The following EPHA6 variants were observed in gnomAD, a reference collection of about 807,000 sequenced individuals.
EPHA6 encodes the protein EPH receptor A6, also known as ephrin type-A receptor 6.
A neutral mutation model predicts 112.0 loss-of-function variants in EPHA6; 50 were observed. The observed-to-expected ratio is 0.45, with a 90% confidence interval of 0.36 to 0.56. The LOEUF is 0.56. Among genes scored for constraint, EPHA6 ranks in the 20% least tolerant of loss-of-function variants. EPHA6 has a pLI of 0.00. For missense variants in EPHA6, 1,280 were observed against 1,417.4 expected (o/e 0.90, Z 1.56); for synonymous variants, 529 against 490.7 (o/e 1.08, Z -1.03).
intron 2 of EPHA6, among the ~76,000 whole-genome samples, chr3:96,947,802 T>C (rs949190492): frequency 1.5e-4 from 23 of 152,048 alleles, no homozygotes; most frequent in African/African-American, 5.6e-4. Flanking sequence ...AGAATCAATA[T>C]CATGAAAATG....
Position 97,757,640 on chromosome 3 carries a change from A to T in EPHA6, c.*8939A>T, listed in dbSNP as rs1301631984. 6.6e-6 allele frequency among the ~76,000 whole-genome samples: 1 copy of T among 151,752 alleles called. No individual in the cohort carries two copies. On this transcript the variant is annotated 3_prime_UTR_variant, in exon 18 of 18. Coordinates refer to ENST00000389672, the MANE Select transcript of EPHA6 (RefSeq NM_001080448.3). ...TGCATAAAAAAGGAACTTACTTGAT[A>T]CCGTCTTTTAGCATCAATTTATCTT...
intron 11 of EPHA6, among the ~76,000 whole-genome samples, chr3:97,537,903 GA>G (rs1280551440): frequency 1.3e-5 from 2 of 151,928 alleles, no homozygotes; most frequent in African/African-American, 4.8e-5. Context: ...ATACAGTAAT[GA>G]AAAAAGACAG....
chr3:97,377,436 C>A (rs920708326), intron 5 of EPHA6, among the ~76,000 whole-genome samples: 4 of 151,952 alleles, frequency 2.6e-5, no homozygotes, highest in African/African-American at 7.3e-5. Context: ...ATGAAAACAC[C>A]AGACTAATAC....
At chr3:97,716,574 C>CAAAAAAAAAAAAAAAAA (rs1218426459) in intron 14 of EPHA6, among the ~76,000 whole-genome samples, 1 of 37,272 alleles carries the variant, frequency 2.7e-5, no homozygotes, top group African/African-American at 1.7e-4. Flanking sequence ...GACTCCGTCT[C>CAAAAAAAAAAAAAAAAA]AAAAAAAAAA....
intron 1 of EPHA6, among the ~76,000 whole-genome samples, chr3:96,864,121 G>A (rs751073453): frequency 2.0e-5 from 3 of 152,036 alleles, no homozygotes; most frequent in Non-Finnish European, 4.4e-5. Flanking sequence ...TTTCCCTATT[G>A]TGAATCTAAA....
chr3:97,522,620 A>G, intron 10 of EPHA6, among the ~76,000 whole-genome samples: 1 of 152,090 alleles, frequency 6.6e-6, no homozygotes, highest in Non-Finnish European at 1.5e-5. Context: ...AAAGATTGGT[A>G]TTTATTTCTT....
intron 3 of EPHA6, among the ~76,000 whole-genome samples, chr3:97,186,118 C>T (rs914666556): frequency 3.9e-5 from 6 of 151,938 alleles, no homozygotes; most frequent in Admixed American, 6.6e-5. Context: ...TGTTAAATGA[C>T]GCGTTACTGG....
intron 3 of EPHA6, among the ~76,000 whole-genome samples, chr3:96,992,013 G>T (rs999428428): frequency 2.6e-5 from 4 of 152,060 alleles, no homozygotes; most frequent in African/African-American, 9.7e-5. Flanking sequence ...TTGGTTCCCT[G>T]TGTCTTTTGG....
intron 6 of EPHA6, among the ~76,000 whole-genome samples, chr3:97,409,398 G>A (rs2087564049): frequency 6.6e-6 from 1 of 152,122 alleles, no homozygotes; most frequent in South Asian, 2.1e-4. Flanking sequence ...ATATGTTTGA[G>A]GAAAATGTTA....
chr3:96,909,563 A>T (rs2107598460), intron 2 of EPHA6, among the ~76,000 whole-genome samples: 1 of 152,094 alleles, frequency 6.6e-6, no homozygotes, highest in African/African-American at 2.4e-5. Flanking sequence ...TCACTTACTG[A>T]ATTTATTTAT....
At chr3:97,183,869 G>GC (rs1286933776) in intron 3 of EPHA6, among the ~76,000 whole-genome samples, 19 of 152,184 alleles carry the variant, frequency 1.2e-4, no homozygotes, top group Admixed American at 1.1e-3. Context: ...AAGCTGATAT[G>GC]CCTTTTACAG....
chr3:97,564,016 C>G (rs1463370129), intron 11 of EPHA6, among the ~76,000 whole-genome samples: 1 of 151,988 alleles, frequency 6.6e-6, no homozygotes, highest in East Asian at 1.9e-4. Context: ...AATAAAGGGA[C>G]ATGAAATGTT....
In EPHA6 at chr3:97,571,587, AC is replaced by A. The variant is rs1348325079; in HGVS notation, c.2387-21023del. Among the ~76,000 whole-genome samples the A allele has an allele frequency of 9.9e-5, 15 of 152,156 alleles. No homozygotes were observed. In the East Asian group the frequency reaches 2.7e-3, roughly 27 times the overall value. ...TTTCTTACTGTTTCATTACATTGTC[AC>A]CTTCAAAGGACAAAATTACATGTAA... On this transcript the variant is annotated intron_variant, in intron 11 of 17. Coordinates refer to ENST00000389672, the MANE Select transcript of EPHA6 (RefSeq NM_001080448.3).
chr3:96,938,423 G>T (rs2040728941), intron 2 of EPHA6, among the ~76,000 whole-genome samples: 1 of 151,614 alleles, frequency 6.6e-6, no homozygotes, highest in African/African-American at 2.4e-5. Flanking sequence ...TGTTGTTGGT[G>T]TATAAGAATG....
chr3:97,703,245 A>G (rs2033497623), intron 14 of EPHA6, among the ~76,000 whole-genome samples: 1 of 152,200 alleles, frequency 6.6e-6, no homozygotes, highest in Non-Finnish European at 1.5e-5. Context: ...AGTCTACCCA[A>G]GACTAACGGG....
At chr3:97,265,164 G>T (rs1461561306) in intron 5 of EPHA6, among the ~76,000 whole-genome samples, 3 of 152,104 alleles carry the variant, frequency 2.0e-5, no homozygotes, top group African/African-American at 7.2e-5. Context: ...TCATCCATGG[G>T]CAGCCATGAG....
intron 11 of EPHA6, among the ~76,000 whole-genome samples, chr3:97,586,727 TAGACAGACAGAC>T (rs138628909): frequency 8.6e-5 from 13 of 151,348 alleles, no homozygotes; most frequent in Admixed American, 1.3e-4. Flanking sequence ...GATGGATGGA[TAGACAGACAGAC>T]AGACAGACAG....
chr3:97,140,703 G>A (rs976480350), intron 3 of EPHA6, among the ~76,000 whole-genome samples: 3 of 152,062 alleles, frequency 2.0e-5, no homozygotes, highest in African/African-American at 7.2e-5. Flanking sequence ...GAAACAAAAA[G>A]ACAATACTGG....
At chr3:97,104,651 T>G (rs939235703) in intron 3 of EPHA6, among the ~76,000 whole-genome samples, 3 of 152,158 alleles carry the variant, frequency 2.0e-5, no homozygotes, top group African/African-American at 7.2e-5. Context: ...GGGATGATGC[T>G]GGCCTCATTG....
Sources: gnomAD v4.1 joint callset for allele counts (sites outside exome capture counted in the v4.1 genomes callset) on GRCh38, gnomAD v4.1.1 for gene constraint, MANE v1.5 for transcripts, NCBI Gene and HGNC (gene_info 2026-07-23, HGNC 2026-07-21) for gene names.